The following UNC5D variants were observed in gnomAD, a reference collection of about 807,000 sequenced individuals.
The protein encoded by UNC5D is unc-5 netrin receptor D, also known as netrin receptor UNC5D.
In UNC5D, 39 loss-of-function variants were observed where a neutral mutation model predicts 105.4. That is an observed-to-expected ratio of 0.37 (90% CI 0.29 to 0.48). The LOEUF (loss-of-function observed/expected upper bound fraction) is 0.48, where lower values mean the gene tolerates loss of function less well. Among genes scored for constraint, UNC5D ranks in the 20% least tolerant of loss-of-function variants. The probability of loss-of-function intolerance (pLI) is 0.98; values close to 1 mark genes in which losing one functional copy is unlikely to be tolerated. For synonymous variants in UNC5D, 452 were observed against 450.4 expected, an observed-to-expected ratio of 1.00 and a Z score of -0.04; for missense variants, 991 against 1,202.4, an observed-to-expected ratio of 0.82 and a Z score of 2.60.
Position 35,748,553 on chromosome 8 carries a change from T to C in UNC5D, c.1793T>C (p.Leu598Pro). The change falls in exon 12 of 17, where the codon CTC becomes CCC. Residue 598 changes from leucine to proline, a missense_variant. By Grantham distance (98) the Leu-to-Pro change is moderately conservative. Around this residue, in one of 3 missense-constraint regions of UNC5D, gnomAD observed 944 missense variants for 1,131.6 expected, o/e 0.83. Coordinates refer to ENST00000404895, the MANE Select transcript of UNC5D (RefSeq NM_080872.4). ...PSLQSDGSEV[L>P]LSPEVTCGPP... ...CTCCAGTCAGATGGCTCTGAGGTGCTCCTGAGTCCTGAAGTCACCTGTGGT... is the reference window on the plus strand; with the variant it reads ...CTCCAGTCAGATGGCTCTGAGGTGCCCCTGAGTCCTGAAGTCACCTGTGGT... 1 of 1,614,022 alleles carries C rather than the reference T, an allele frequency of 6.2e-7. No individual in the cohort carries two copies. The highest frequency in any genetic ancestry group is 8.5e-7 in the Non-Finnish European group (1 of 1,179,918).
At chr8:35,518,082 T>C (rs1221445343) in intron 1 of UNC5D, among the ~76,000 whole-genome samples, 1 of 152,156 alleles carries the variant, frequency 6.6e-6, no homozygotes, top group African/African-American at 2.4e-5. Flanking sequence ...ATCAGAGATG[T>C]GGAAAACTTT....
intron 1 of UNC5D, among the ~76,000 whole-genome samples, chr8:35,428,399 G>A (rs936021748): frequency 9.4e-5 from 13 of 138,964 alleles, no homozygotes; most frequent in South Asian, 4.5e-4. Flanking sequence ...TTGCCCATGC[G>A]GGTCTCAAAC....
intron 1 of UNC5D, among the ~76,000 whole-genome samples, chr8:35,312,606 A>G (rs539337496): frequency 3.3e-4 from 51 of 152,274 alleles, no homozygotes; most frequent in African/African-American, 1.1e-3. Flanking sequence ...CACAAGGTAA[A>G]ATTTTAAAAT....
intron 14 of UNC5D, among the ~76,000 whole-genome samples, 195 bp from the exon 15 acceptor site, chr8:35,766,707 C>A (rs1801784228): frequency 6.6e-6 from 1 of 152,216 alleles, no homozygotes; most frequent in African/African-American, 2.4e-5. Context: ...TACATTTGTG[C>A]TGCTTGGCAT....
chr8:35,640,253 GTTTC>G (rs1379677331), intron 4 of UNC5D, among the ~76,000 whole-genome samples: 3 of 151,928 alleles, frequency 2.0e-5, no homozygotes, highest in Non-Finnish European at 4.4e-5. Context: ...TGCTCTCAAG[GTTTC>G]TTGGTTGCAC....
At chr8:35,276,695 CAGACCAGGTCTCACT>C (rs1204739630) in intron 1 of UNC5D, among the ~76,000 whole-genome samples, 5 of 152,144 alleles carry the variant, frequency 3.3e-5, no homozygotes, top group African/African-American at 1.2e-4. Context: ...TATAGTGTGG[CAGACCAGGTCTCACT>C]AGCCTCCATA....
chr8:35,246,627 T>C lies in UNC5D; in HGVS notation c.103+10740T>C, dbSNP rs75458579. Reference sequence around the variant, plus strand: ...GATATATGAAATTTCATGTTAAACTTGCAGATCTGAAGTCTTATCAAATTG... The same window carrying C: ...GATATATGAAATTTCATGTTAAACTCGCAGATCTGAAGTCTTATCAAATTG... On this transcript the variant is annotated intron_variant, in intron 1 of 16. Coordinates refer to ENST00000404895, the MANE Select transcript of UNC5D (RefSeq NM_080872.4). 4.2e-3 allele frequency among the ~76,000 whole-genome samples: 644 copies of C among 152,154 alleles called. 4 individuals carry two copies. Among genetic ancestry groups the C allele is most frequent in the African/African-American group, 0.015 (633 of 41,494 alleles).
intron 11 of UNC5D, among the ~76,000 whole-genome samples, chr8:35,739,819 T>A (rs763391156): frequency 5.9e-5 from 9 of 152,188 alleles, no homozygotes; most frequent in Non-Finnish European, 1.2e-4. Context: ...TATAGCCTAA[T>A]AAAAATACCC....
chr8:35,726,149 C>A lies in UNC5D; in HGVS notation c.1304-3C>A, dbSNP rs1299935632. The A allele has an allele frequency of 1.3e-6, 2 of 1,599,260 alleles. No individual in the cohort carries two copies. The highest frequency in any genetic ancestry group is 1.7e-6 in the Non-Finnish European group (2 of 1,170,634). On this transcript the variant is annotated splice_polypyrimidine_tract_variant and splice_region_variant and intron_variant, in intron 9 of 16. Transcript: ENST00000404895. ...GAGTGACAGATCAATTTTCTTTTAC[C>A]AGGTAACTCCCTGCTCCTGAATTCT...
chr8:35,475,378 C>T (rs1038806323), intron 1 of UNC5D, among the ~76,000 whole-genome samples: 3 of 152,196 alleles, frequency 2.0e-5, no homozygotes, highest in Non-Finnish European at 4.4e-5. Flanking sequence ...AAACAGCCAC[C>T]ACGGCCACCC....
chr8:35,757,614 A>G (rs11992489), intron 13 of UNC5D, among the ~76,000 whole-genome samples: 11,415 of 152,184 alleles, frequency 0.075, 1,166 homozygotes, highest in African/African-American at 0.23. Context: ...CCTAGTGTCC[A>G]GACCCTTTCA....
intron 1 of UNC5D, among the ~76,000 whole-genome samples, chr8:35,447,790 G>A (rs923390533): frequency 6.6e-6 from 1 of 152,026 alleles, no homozygotes; most frequent in African/African-American, 2.4e-5. Flanking sequence ...CCCTCATCGA[G>A]TGATAGAGAT....
intron 2 of UNC5D, among the ~76,000 whole-genome samples, chr8:35,558,439 A>G (rs551228422): frequency 6.6e-6 from 1 of 152,348 alleles, no homozygotes; most frequent in East Asian, 1.9e-4. Context: ...CAAATACTAT[A>G]TAACTAATAA....
chr8:35,296,475 A>G (rs1807496244), intron 1 of UNC5D, among the ~76,000 whole-genome samples: 1 of 152,076 alleles, frequency 6.6e-6, no homozygotes, highest in Admixed American at 6.5e-5. Context: ...GCTGGAGTGC[A>G]GTGGCACAAT....
At chr8:35,451,749 T>C (rs1237594952) in intron 1 of UNC5D, among the ~76,000 whole-genome samples, 1 of 152,180 alleles carries the variant, frequency 6.6e-6, no homozygotes, top group Non-Finnish European at 1.5e-5. Flanking sequence ...TTGAACTTGT[T>C]GCTGAATGTT....
chr8:35,317,733 G>C (rs542214494), intron 1 of UNC5D, among the ~76,000 whole-genome samples: 2 of 151,882 alleles, frequency 1.3e-5, no homozygotes, highest in Non-Finnish European at 2.9e-5. Flanking sequence ...CATATTTTAC[G>C]TGACGTAAAT....
intron 1 of UNC5D, among the ~76,000 whole-genome samples, chr8:35,286,446 C>A (rs1806603175): frequency 6.6e-6 from 1 of 152,148 alleles, no homozygotes; most frequent in South Asian, 2.1e-4. Context: ...TGCTTCTAAG[C>A]CAATGATTAT....
At position 35,793,149 on chromosome 8, in the gene UNC5D, A is replaced by T. The variant is rs1425208106; in HGVS notation, c.*2586A>T. On this transcript the variant is annotated 3_prime_UTR_variant, in exon 17 of 17. Coordinates refer to ENST00000404895, the MANE Select transcript of UNC5D (RefSeq NM_080872.4). ...TTACTTATTGCTGCTAGGATCCTAC[A>T]TAGGATTTCTATAGAAATGTATGAA... The T allele has an allele frequency of 2.2e-6, 1 of 456,058 alleles. No individual in the cohort carries two copies. The highest frequency in any genetic ancestry group is 2.0e-5 in the African/African-American group (1 of 50,058). 28.3% of individuals were successfully genotyped at this position (456,058 alleles called of 1,614,324 possible).
intron 1 of UNC5D, among the ~76,000 whole-genome samples, chr8:35,545,156 TA>T (rs1815556822): frequency 6.6e-6 from 1 of 152,222 alleles, no homozygotes; most frequent in Non-Finnish European, 1.5e-5. Context: ...GTGTTGAGAT[TA>T]TGAATAAATT....
Sources: allele counts gnomAD v4.1 joint callset (sites outside exome capture counted in the v4.1 genomes callset), GRCh38; gene constraint gnomAD v4.1.1; regional missense constraint gnomAD v4.1.1; transcripts MANE v1.5; gene names NCBI Gene and HGNC (gene_info 2026-07-23, HGNC 2026-07-21).